RUNX1: variants seen among roughly 807,000 people sequenced by gnomAD.
RUNX1 encodes runt-related transcription factor 1.
Under a neutral mutation model 42.8 loss-of-function variants are expected in RUNX1, and 19 were observed. The ratio of observed to expected loss-of-function variants is 0.44; its 90% CI spans 0.31 to 0.65. The LOEUF (loss-of-function observed/expected upper bound fraction) is 0.65, where lower values mean the gene tolerates loss of function less well. RUNX1 is among the 30% of genes least tolerant of loss of function. The pLI, the probability that RUNX1 is intolerant of heterozygous loss-of-function variation, is 0.07. For missense variants in RUNX1, 528 were observed against 672.0 expected (o/e 0.79, Z 2.37); for synonymous variants, 271 against 289.4 (o/e 0.94, Z 0.64).
intron 2 of RUNX1, among the ~76,000 whole-genome samples, chr21:34,928,714 G>C (rs902848518): frequency 1.4e-4 from 21 of 151,908 alleles, no homozygotes; most frequent in Admixed American, 6.6e-4. Flanking sequence ...CAACTAGAAG[G>C]CTGATTTAGA....
chr21:35,047,773 A>G (rs1273823814), intron 2 of RUNX1, among the ~76,000 whole-genome samples: 1 of 152,130 alleles, frequency 6.6e-6, no homozygotes, highest in Non-Finnish European at 1.5e-5. Flanking sequence ...GTAGCCAGAA[A>G]ATTAATTATT....
intron 8 of RUNX1, among the ~76,000 whole-genome samples, chr21:34,794,735 A>C (rs541500522): frequency 9.2e-4 from 140 of 152,320 alleles, no homozygotes; most frequent in African/African-American, 3.1e-3. Flanking sequence ...TCTGTAGATC[A>C]GAGTTTCTCA....
intron 2 of RUNX1, among the ~76,000 whole-genome samples, chr21:34,976,882 T>C (rs2058806131): frequency 6.6e-6 from 1 of 151,442 alleles, no homozygotes; most frequent in Non-Finnish European, 1.5e-5. Context: ...ATGCTAGAGG[T>C]GGATCTCACA....
chr21:34,832,459 C>T (rs1246775089), intron 7 of RUNX1, among the ~76,000 whole-genome samples: 1 of 152,106 alleles, frequency 6.6e-6, no homozygotes, highest in Non-Finnish European at 1.5e-5. Flanking sequence ...ACTTTTTGTT[C>T]CCATATCAGC....
At chr21:34,856,314 C>G in intron 6 of RUNX1, 2 of 517,474 alleles carry the variant, frequency 3.9e-6, no homozygotes, top group Non-Finnish European at 7.7e-6. Context: ...GTCAAAGGCT[C>G]CACACCTGCA....
intron 5 of RUNX1, among the ~76,000 whole-genome samples, chr21:34,869,773 G>A (rs752928058): frequency 1.2e-4 from 19 of 152,184 alleles, no homozygotes; most frequent in Non-Finnish European, 2.4e-4. Flanking sequence ...CTTGGGTGGA[G>A]GCAGCAATGA....
At chr21:35,018,758 T>C (rs770218199) in intron 2 of RUNX1, among the ~76,000 whole-genome samples, 6 of 152,122 alleles carry the variant, frequency 3.9e-5, no homozygotes, top group Non-Finnish European at 7.4e-5. Flanking sequence ...GGACCCTTGA[T>C]TTGGCAAGCA....
chr21:34,875,147 C>T (rs8128348), intron 5 of RUNX1, among the ~76,000 whole-genome samples: 41,052 of 152,170 alleles, frequency 0.27, 6,061 homozygotes, highest in African/African-American at 0.39. Flanking sequence ...GCGAAACTGC[C>T]TGTTGCAAGC....
intron 6 of RUNX1, among the ~76,000 whole-genome samples, chr21:34,849,358 A>ATAGT (rs1468628679): frequency 1.4e-4 from 6 of 41,550 alleles, no homozygotes; most frequent in East Asian, 1.9e-3. Context: ...TAGTATATAT[A>ATAGT]ATATATTATA....
intron 2 of RUNX1, among the ~76,000 whole-genome samples, chr21:35,011,743 C>A (rs750825068): frequency 1.3e-5 from 2 of 152,158 alleles, no homozygotes; most frequent in African/African-American, 4.8e-5. Context: ...AGAATTCTTG[C>A]TAATTACCAT....
intron 7 of RUNX1, among the ~76,000 whole-genome samples, chr21:34,809,343 T>C (rs969737477): frequency 6.6e-6 from 1 of 152,008 alleles, no homozygotes; most frequent in Non-Finnish European, 1.5e-5. Context: ...AAATATTGTG[T>C]TGAGGGCTGG....
At chr21:34,836,351 C>T (rs1601419614) in intron 6 of RUNX1, among the ~76,000 whole-genome samples, 2 of 152,330 alleles carry the variant, frequency 1.3e-5, no homozygotes, top group Middle Eastern at 6.8e-3. Context: ...TCATCCCTTT[C>T]CCTCAGAAGT....
intron 2 of RUNX1, among the ~76,000 whole-genome samples, chr21:35,033,054 T>C (rs1335390237): frequency 6.6e-6 from 1 of 152,204 alleles, no homozygotes; most frequent in African/African-American, 2.4e-5. Flanking sequence ...TCTACCTGCC[T>C]ATCCATCCAT....
chr21:34,886,715 G>T, intron 4 of RUNX1, 128 bp downstream of exon 4: 1 of 1,448,432 alleles, frequency 6.9e-7, no homozygotes, highest in Non-Finnish European at 9.4e-7. Context: ...AAGCTAGGAA[G>T]ACCGACCCGG....
chr21:34,866,093 T>C (rs375985469), intron 5 of RUNX1, among the ~76,000 whole-genome samples: 1 of 151,824 alleles, frequency 6.6e-6, no homozygotes, highest in Non-Finnish European at 1.5e-5. Flanking sequence ...TCTGTAAGCA[T>C]GAGTCATCTT....
intron 7 of RUNX1, among the ~76,000 whole-genome samples, chr21:34,814,224 A>C (rs745548998): frequency 1.2e-4 from 19 of 152,124 alleles, no homozygotes; most frequent in Non-Finnish European, 2.2e-4. Flanking sequence ...ATCTCAAATA[A>C]AAGTTGGTGT....
chr21:34,874,610 C>CAAAA (rs59950735), intron 5 of RUNX1, among the ~76,000 whole-genome samples: 413 of 25,198 alleles, frequency 0.016, 85 homozygotes, highest in African/African-American at 0.038. Context: ...AACTCTGTCT[C>CAAAA]AAAAAAAAAA....
chr21:35,040,771 C>A (rs8128133), intron 2 of RUNX1, among the ~76,000 whole-genome samples: 67,385 of 90,742 alleles, frequency 0.74, 23,165 homozygotes, highest in South Asian at 0.89. Flanking sequence ...AGACTCCATC[C>A]AAAAAAAAAA....
intron 2 of RUNX1, among the ~76,000 whole-genome samples, chr21:35,032,132 C>T (rs976561476): frequency 7.9e-5 from 12 of 152,194 alleles, no homozygotes; most frequent in Non-Finnish European, 1.3e-4. Flanking sequence ...ATGCCACAAG[C>T]CTTGAAATGG....
Sources: gnomAD v4.1 joint callset for allele counts (sites outside exome capture counted in the v4.1 genomes callset) on GRCh38, gnomAD v4.1.1 for gene constraint, MANE v1.5 for transcripts, NCBI Gene and HGNC (gene_info 2026-07-23, HGNC 2026-07-21) for gene names.